NDST3: variants seen among roughly 807,000 people sequenced by gnomAD.
NDST3 encodes the protein N-deacetylase and N-sulfotransferase 3.
In NDST3, 58 loss-of-function variants were observed where a neutral mutation model predicts 96.1. The observed-to-expected ratio is 0.60, with a 90% CI of 0.49 to 0.75. The LOEUF (loss-of-function observed/expected upper bound fraction) is 0.75, where lower values mean the gene tolerates loss of function less well. Ranked by LOEUF, NDST3 falls within the 30% of genes least tolerant of loss-of-function variation. The pLI, the probability that NDST3 is intolerant of heterozygous loss-of-function variation, is 0.00. For missense variants in NDST3, 788 were observed against 1,034.2 expected (o/e 0.76, Z 3.27); for synonymous variants, 333 against 359.7 (o/e 0.93, Z 0.84).
Position 118,054,834 on chromosome 4 carries a change from T to A in NDST3, c.924T>A (p.Asp308Glu). Residue 308 changes from aspartate (D) to glutamate (E), a missense_variant, in exon 2 of 14, where the codon GAT becomes GAA. This residue lies in a region of NDST3 where 490 missense variants were observed against 708.8 expected (regional missense o/e 0.69). Transcript: ENST00000296499. The stretch of plus-strand genomic sequence containing the variant: ...CCTTGGACAGGTACATTCTTGTGGA[T>A]ATTGATGATATATTTGTGGGAAAAG... ...TLSLDRYILVDIDDIFVGKEG... is the reference protein window; with the variant it reads ...TLSLDRYILVEIDDIFVGKEG... 6.2e-7 allele frequency: 1 copy of A among 1,612,950 alleles called. No homozygotes were observed. Among genetic ancestry groups the A allele is most frequent in the Non-Finnish European group, 8.5e-7 (1 of 1,179,264 alleles).
intron 6 of NDST3, among the ~76,000 whole-genome samples, chr4:118,162,697 C>T (rs892420326): frequency 6.7e-6 from 1 of 148,324 alleles, no homozygotes; most frequent in Non-Finnish European, 1.5e-5. Flanking sequence ...TGGGAAAGGA[C>T]TTCATGTCTA....
intron 6 of NDST3, among the ~76,000 whole-genome samples, chr4:118,174,820 A>G (rs1402118198): frequency 6.6e-6 from 1 of 152,114 alleles, no homozygotes; most frequent in South Asian, 2.1e-4. Flanking sequence ...AATCTTCGGT[A>G]GCTCATTTTA....
intron 4 of NDST3, among the ~76,000 whole-genome samples, chr4:118,118,874 A>G (rs1193019195): frequency 6.6e-6 from 1 of 152,210 alleles, no homozygotes; most frequent in South Asian, 2.1e-4. Flanking sequence ...AAGGTAAAAT[A>G]GTATTCTATT....
intron 2 of NDST3, among the ~76,000 whole-genome samples, chr4:118,058,496 C>T (rs1219771583): frequency 6.7e-6 from 1 of 149,048 alleles, no homozygotes; most frequent in African/African-American, 2.5e-5. Flanking sequence ...AAGCTACAAG[C>T]CATAGCCTGT....
chr4:118,107,815 G>T (rs1441329558), intron 3 of NDST3, among the ~76,000 whole-genome samples: 4 of 152,140 alleles, frequency 2.6e-5, no homozygotes, highest in Non-Finnish European at 4.4e-5. Context: ...TATATAAAGG[G>T]CTATTAATAC....
chr4:118,200,837 T>C (rs1161687065), intron 6 of NDST3, among the ~76,000 whole-genome samples: 1 of 152,168 alleles, frequency 6.6e-6, no homozygotes, highest in Admixed American at 6.5e-5. Flanking sequence ...TACAGATTTG[T>C]TACATAGGAA....
At chr4:118,117,238 A>G (rs1056792596) in intron 4 of NDST3, among the ~76,000 whole-genome samples, 22 of 152,190 alleles carry the variant, frequency 1.4e-4, no homozygotes, top group African/African-American at 5.3e-4. Context: ...CAGCCATAAC[A>G]ATATGAAAGA....
chr4:118,111,115 C>G (rs1019859202), intron 3 of NDST3, among the ~76,000 whole-genome samples: 3 of 152,054 alleles, frequency 2.0e-5, no homozygotes, highest in African/African-American at 4.8e-5. Flanking sequence ...AACTAAACAT[C>G]GAGTACTCAT....
At chr4:118,131,492 T>G (rs1352665962) in intron 4 of NDST3, among the ~76,000 whole-genome samples, 1 of 152,146 alleles carries the variant, frequency 6.6e-6, no homozygotes, top group Non-Finnish European at 1.5e-5. Flanking sequence ...AATTCTGAAT[T>G]CCTTATCTCT....
intron 6 of NDST3, among the ~76,000 whole-genome samples, chr4:118,212,549 C>A (rs2125987246): frequency 6.6e-6 from 1 of 152,138 alleles, no homozygotes; most frequent in South Asian, 2.1e-4. Context: ...TTCATTCATT[C>A]TTTTATAAAT....
At chr4:118,232,293 G>A (rs1740351761) in intron 8 of NDST3, among the ~76,000 whole-genome samples, 1 of 151,916 alleles carries the variant, frequency 6.6e-6, no homozygotes, top group Admixed American at 6.6e-5. Flanking sequence ...TTCATTCTCA[G>A]AGAAAATCTA....
At chr4:118,135,568 A>G (rs2125895964) in intron 4 of NDST3, among the ~76,000 whole-genome samples, 1 of 152,264 alleles carries the variant, frequency 6.6e-6, no homozygotes, top group East Asian at 1.9e-4. Context: ...TATGACTAGC[A>G]TTTTAGAGAA....
intron 12 of NDST3, among the ~76,000 whole-genome samples, chr4:118,244,792 C>T (rs776910448): frequency 2.9e-4 from 44 of 152,094 alleles, no homozygotes; most frequent in Non-Finnish European, 4.3e-4. Context: ...CTAAAGAAAG[C>T]GTTCAAGACT....
intron 6 of NDST3, among the ~76,000 whole-genome samples, chr4:118,218,057 C>G (rs1378767703): frequency 6.6e-6 from 1 of 151,948 alleles, no homozygotes; most frequent in Non-Finnish European, 1.5e-5. Flanking sequence ...TAATTAATAG[C>G]CTACCAACCA....
rs1553941346 is a variant in NDST3, at chr4:118,184,602, T to TCTAC, written c.1540-39889_1540-39888insCTAC. Reference sequence around the variant, plus strand: ...CTCCCTTTGTCTCTCTCTCTCTCTCTACACACACACACACACACACACACA... The same window carrying TCTAC: ...CTCCCTTTGTCTCTCTCTCTCTCTCTCTACACACACACACACACACACACACACA... On this transcript the variant is annotated intron_variant, in intron 6 of 13. Coordinates refer to ENST00000296499, the MANE Select transcript of NDST3 (RefSeq NM_004784.3). Among the ~76,000 whole-genome samples the TCTAC allele has an allele frequency of 3.9e-3, 538 of 138,570 alleles. 4 individuals carry two copies. Among genetic ancestry groups the TCTAC allele is most frequent in the African/African-American group, 0.013 (492 of 37,436 alleles). The allele number at this position is 138,570 out of a possible 152,430, so 90.9% of individuals were successfully genotyped here. A position where few individuals can be genotyped will look rare whatever the true frequency, so the allele number is the denominator to read the frequency against.
intron 2 of NDST3, among the ~76,000 whole-genome samples, chr4:118,093,479 G>A (rs1412147468): frequency 1.3e-5 from 2 of 151,800 alleles, no homozygotes; most frequent in Non-Finnish European, 2.9e-5. Context: ...CATCAGTGAT[G>A]GGACTATAAT....
intron 2 of NDST3, among the ~76,000 whole-genome samples, chr4:118,104,254 T>C (rs934535887): frequency 8.5e-5 from 13 of 152,050 alleles, no homozygotes; most frequent in African/African-American, 3.1e-4. Flanking sequence ...TCTGCCTAGT[T>C]GAAGTGAACA....
intron 6 of NDST3, among the ~76,000 whole-genome samples, chr4:118,202,074 T>A (rs1019313034): frequency 1.3e-5 from 2 of 152,338 alleles, no homozygotes; most frequent in South Asian, 4.1e-4. Context: ...TTTCTCAGCC[T>A]TGTTGAAGAT....
chr4:118,231,257 G>T (rs1560733971), intron 8 of NDST3, among the ~76,000 whole-genome samples: 1 of 151,562 alleles, frequency 6.6e-6, no homozygotes, highest in South Asian at 2.1e-4. Flanking sequence ...AATCGCTTGA[G>T]CCCAGGAGGC....
Sources: gnomAD v4.1 joint callset for allele counts (sites outside exome capture counted in the v4.1 genomes callset) on GRCh38, gnomAD v4.1.1 for gene constraint, gnomAD v4.1.1 regional missense constraint, MANE v1.5 for transcripts, NCBI Gene and HGNC (gene_info 2026-07-23, HGNC 2026-07-21) for gene names.